PTPRQ: variants seen among roughly 807,000 people sequenced by gnomAD.
PTPRQ encodes phosphatidylinositol phosphatase PTPRQ.
A neutral mutation model predicts 246.0 loss-of-function variants in PTPRQ; 199 were observed. That is an observed-to-expected ratio of 0.81 (90% CI 0.72 to 0.91). The LOEUF is 0.91. PTPRQ is among the 40% of genes least tolerant of loss of function. PTPRQ has a pLI of 0.00. For missense variants in PTPRQ, 2,624 were observed against 2,528.4 expected (o/e 1.04, Z -0.81); for synonymous variants, 869 against 853.2 (o/e 1.02, Z -0.32).
At chr12:80,453,067 T>G (rs534303822) in intron 3 of PTPRQ, among the ~76,000 whole-genome samples, 56 of 152,250 alleles carry the variant, frequency 3.7e-4, no homozygotes, top group African/African-American at 1.3e-3. Context: ...GTTCATTTCT[T>G]TTTATTCTTT....
At chr12:80,491,232 AG>A (rs1199778871) in intron 9 of PTPRQ, among the ~76,000 whole-genome samples, 1 of 151,924 alleles carries the variant, frequency 6.6e-6, no homozygotes, top group Non-Finnish European at 1.5e-5. Context: ...ACCATAGTTG[AG>A]GGGGAAATTC....
In PTPRQ at chr12:80,494,930, C is replaced by G; in HGVS notation, c.1541-3C>G. ...TTTTTCTCTTTTTACTGAATTCAAA[C>G]AGTAACTACAAGGAATCAGTATATT... is the stretch of plus-strand genomic sequence containing the variant. On this transcript the variant is annotated splice_region_variant and splice_polypyrimidine_tract_variant and intron_variant, in intron 10 of 44. Coordinates refer to ENST00000644991, the MANE Select transcript of PTPRQ (RefSeq NM_001145026.2). 2 of 1,522,504 alleles carry G rather than the reference C, an allele frequency of 1.3e-6. No homozygotes were observed. Among genetic ancestry groups the G allele is most frequent in the South Asian group, 2.6e-5 (2 of 77,786 alleles). The allele number at this position is 1,522,504 out of a possible 1,614,324, so 94.3% of individuals were successfully genotyped here. A position where few individuals can be genotyped will look rare whatever the true frequency, so the allele number is the denominator to read the frequency against.
intron 8 of PTPRQ, among the ~76,000 whole-genome samples, chr12:80,477,797 G>A (rs543982299): frequency 7.2e-5 from 11 of 152,252 alleles, no homozygotes; most frequent in Admixed American, 2.6e-4. Flanking sequence ...GGGTCACTCC[G>A]ACCCGAATAC....
At chr12:80,553,027 C>A (rs1896533283) in intron 25 of PTPRQ, among the ~76,000 whole-genome samples, 1 of 151,874 alleles carries the variant, frequency 6.6e-6, no homozygotes, top group Admixed American at 6.6e-5. Context: ...TCTTATTTGT[C>A]TTTATTTACT....
rs571284105 is a variant in PTPRQ at position 80,444,384 on chromosome 12, G to C, written c.39G>C (p.Gly13=). The part of the protein sequence containing the change: ...FLIIFLLLFI[G]TSETQVDVSN... Reference sequence around the variant, plus strand: ...TCATTTTTCTTTTACTTTTTATTGGGACTTCAGAGACACAGGTATTTCGTA... The same window carrying C: ...TCATTTTTCTTTTACTTTTTATTGGCACTTCAGAGACACAGGTATTTCGTA... Residue 13 remains glycine (G), a synonymous_variant, in exon 1 of 45, where the codon GGG becomes GGC. Transcript: ENST00000644991. 3.8e-5 allele frequency: 56 copies of C among 1,474,268 alleles called. No homozygotes were observed. The highest frequency in any genetic ancestry group is 5.1e-5 in the Non-Finnish European group (55 of 1,079,888). 91.3% of individuals were successfully genotyped at this position (1,474,268 alleles called of 1,614,324 possible). A position where few individuals can be genotyped will look rare whatever the true frequency, so the allele number is the denominator to read the frequency against.
At chr12:80,478,335 A>G (rs1893897678) in intron 8 of PTPRQ, among the ~76,000 whole-genome samples, 1 of 152,024 alleles carries the variant, frequency 6.6e-6, no homozygotes, top group African/African-American at 2.4e-5. Context: ...TGTTAGAAGG[A>G]AAACTAACAA....
intron 17 of PTPRQ, among the ~76,000 whole-genome samples, chr12:80,519,248 G>T (rs1033897015): frequency 1.3e-5 from 2 of 151,874 alleles, no homozygotes; most frequent in South Asian, 2.1e-4. Context: ...TATTTTACTT[G>T]TCTGAATCTT....
At chr12:80,557,436 A>G (rs1896676868) in intron 25 of PTPRQ, among the ~76,000 whole-genome samples, 1 of 151,162 alleles carries the variant, frequency 6.6e-6, no homozygotes, top group Admixed American at 6.6e-5. Flanking sequence ...CAATGTCCAG[A>G]AAAGTATCTG....
At position 80,627,418 on chromosome 12, in the gene PTPRQ, G is replaced by A. The variant is rs139540096; in HGVS notation, c.5687-4774G>A. On this transcript the variant is annotated intron_variant, in intron 33 of 44. Transcript: ENST00000644991. Reference sequence around the variant, plus strand: ...AGAGGAGGAGGAGGAGGAAGGGGAGGAGGAGAAGAAGGAGAGGGAGAAATA... The same window carrying A: ...AGAGGAGGAGGAGGAGGAAGGGGAGAAGGAGAAGAAGGAGAGGGAGAAATA... 6.9e-4 allele frequency among the ~76,000 whole-genome samples: 104 copies of A among 150,664 alleles called. No individual in the cohort carries two copies. In the East Asian group the frequency reaches 0.019, roughly 28 times the overall value.
chr12:80,508,229 A>G (rs1363066706), intron 16 of PTPRQ, among the ~76,000 whole-genome samples: 1 of 152,066 alleles, frequency 6.6e-6, no homozygotes, highest in Non-Finnish European at 1.5e-5. Context: ...AAAATCGAGA[A>G]TGGATAAAGA....
intron 25 of PTPRQ, among the ~76,000 whole-genome samples, chr12:80,563,792 G>T (rs1294540083): frequency 6.6e-6 from 1 of 152,088 alleles, no homozygotes; most frequent in African/African-American, 2.4e-5. Context: ...TGGTGGAAGG[G>T]TCTTATTACT....
At chr12:80,582,668 C>T (rs760372168) in intron 25 of PTPRQ, among the ~76,000 whole-genome samples, 2 of 152,128 alleles carry the variant, frequency 1.3e-5, no homozygotes, top group Non-Finnish European at 2.9e-5. Flanking sequence ...AAATAAATTT[C>T]TGTTGTTTGT....
chr12:80,664,044 C>T (rs906278071), intron 39 of PTPRQ, among the ~76,000 whole-genome samples: 8 of 151,872 alleles, frequency 5.3e-5, no homozygotes, highest in Non-Finnish European at 1.2e-4. Context: ...ATAGTCTCGA[C>T]CTTTTGATAA....
At chr12:80,643,313 C>T (rs1899956089) in intron 35 of PTPRQ, among the ~76,000 whole-genome samples, 1 of 151,926 alleles carries the variant, frequency 6.6e-6, no homozygotes, top group Non-Finnish European at 1.5e-5. Flanking sequence ...TGGCAGACAC[C>T]TGTAATCCCA....
chr12:80,543,950 G>A (rs1449414813), intron 23 of PTPRQ, among the ~76,000 whole-genome samples: 1 of 152,044 alleles, frequency 6.6e-6, no homozygotes, highest in East Asian at 1.9e-4. Context: ...GGGTCACTGG[G>A]AGATAGATAT....
chr12:80,520,539 T>G, intron 17 of PTPRQ, among the ~76,000 whole-genome samples: 1 of 117,464 alleles, frequency 8.5e-6, no homozygotes, highest in East Asian at 3.0e-4. Flanking sequence ...GGCCCCGGTG[T>G]GTGATGTTCC....
chr12:80,560,528 A>G (rs1236875540), intron 25 of PTPRQ, among the ~76,000 whole-genome samples: 1 of 152,246 alleles, frequency 6.6e-6, no homozygotes, highest in Non-Finnish European at 1.5e-5. Flanking sequence ...GCCACAAAAT[A>G]TTAATGATCT....
intron 16 of PTPRQ, 38 bp from the exon 17 acceptor site, chr12:80,510,285 T>C: frequency 7.1e-7 from 1 of 1,417,300 alleles, no homozygotes; most frequent in Non-Finnish European, 9.3e-7. Flanking sequence ...CTTATATATG[T>C]TTAATAAAAC....
At position 80,480,456 on chromosome 12, in the gene PTPRQ, T is replaced by C. The variant is rs1893999131; in HGVS notation, c.1187-3977T>C. Among the ~76,000 whole-genome samples the C allele has an allele frequency of 3.3e-5, 5 of 150,344 alleles. No homozygotes were observed. In the South Asian group the frequency reaches 1.1e-3, roughly 32 times the overall value. ...AAAATTGACAGCCTAACATCACAATTAAAAGAACTAGAAAAGCAAGAGCAA... is the reference window on the plus strand; with the variant it reads ...AAAATTGACAGCCTAACATCACAATCAAAAGAACTAGAAAAGCAAGAGCAA... On this transcript the variant is annotated intron_variant, in intron 8 of 44. Coordinates refer to ENST00000644991, the MANE Select transcript of PTPRQ (RefSeq NM_001145026.2).
Sources: allele counts gnomAD v4.1 joint callset (sites outside exome capture counted in the v4.1 genomes callset), GRCh38; gene constraint gnomAD v4.1.1; transcripts MANE v1.5; gene names NCBI Gene and HGNC (gene_info 2026-07-23, HGNC 2026-07-21).